PLSCR4: variants seen among roughly 807,000 people sequenced by gnomAD.
The protein encoded by PLSCR4 is Ca(2+)-dependent phospholipid scramblase 4.
PLSCR4 carries 25 observed loss-of-function variants against 36.3 expected under a neutral mutation model. That is an observed-to-expected ratio of 0.69 (90% CI 0.50 to 0.96). PLSCR4 has a LOEUF of 0.96. Ranked by LOEUF, PLSCR4 falls within the 40% of genes least tolerant of loss-of-function variation. The probability of loss-of-function intolerance (pLI) is 0.00; values close to 1 mark genes in which losing one functional copy is unlikely to be tolerated. For missense variants in PLSCR4, 408 were observed against 414.7 expected (o/e 0.98, Z 0.14); for synonymous variants, 122 against 132.9 (o/e 0.92, Z 0.56).
At chr3:146,239,788 C>G (rs1407181678) in intron 1 of PLSCR4, among the ~76,000 whole-genome samples, 1 of 151,948 alleles carries the variant, frequency 6.6e-6, no homozygotes, top group Non-Finnish European at 1.5e-5. Context: ...GAGGCTGAGG[C>G]AGGAGAATCA....
intron 3 of PLSCR4, among the ~76,000 whole-genome samples, chr3:146,219,556 G>A (rs1189873487): frequency 1.3e-5 from 2 of 152,116 alleles, no homozygotes; most frequent in African/African-American, 4.8e-5. Context: ...AGGAAATCCT[G>A]ATGCTTTCAG....
At chr3:146,224,730 T>G (rs1250070179) in intron 1 of PLSCR4, among the ~76,000 whole-genome samples, 7 of 152,090 alleles carry the variant, frequency 4.6e-5, no homozygotes, top group African/African-American at 1.7e-4. Context: ...TATTCTCTTA[T>G]CTGGCCCCAC....
intron 8 of PLSCR4, 103 bp downstream of exon 8, chr3:146,195,021 A>G (rs1411982887): frequency 8.5e-6 from 8 of 937,900 alleles, no homozygotes; most frequent in Middle Eastern, 2.9e-4. Context: ...TGGCACAGAG[A>G]TAAGTTGGAT....
At chr3:146,240,366 T>C (rs1214505991) in intron 1 of PLSCR4, among the ~76,000 whole-genome samples, 1 of 152,118 alleles carries the variant, frequency 6.6e-6, no homozygotes, top group African/African-American at 2.4e-5. Flanking sequence ...TCTCAACACT[T>C]TGGGAGGCCA....
intron 3 of PLSCR4, among the ~76,000 whole-genome samples, chr3:146,209,546 T>C (rs1241498431): frequency 1.3e-5 from 2 of 152,148 alleles, no homozygotes; most frequent in African/African-American, 4.8e-5. Flanking sequence ...TCACTATGTT[T>C]TTTTAAAGTC....
chr3:146,247,020 A>T (rs2036366578), intron 1 of PLSCR4, among the ~76,000 whole-genome samples: 1 of 152,154 alleles, frequency 6.6e-6, no homozygotes, highest in Admixed American at 6.5e-5. Context: ...ATAAAATGGC[A>T]ATCATCTATA....
At chr3:146,213,865 G>C (rs1049188730) in intron 3 of PLSCR4, among the ~76,000 whole-genome samples, 5 of 151,810 alleles carry the variant, frequency 3.3e-5, no homozygotes, top group Non-Finnish European at 5.9e-5. Flanking sequence ...ATTTCTCTAT[G>C]GTAAAAGCCT....
rs147002895 is a variant in PLSCR4 at position 146,195,279 on chromosome 3, T to G, written c.790A>C (p.Lys264Gln). ...GCGSDSVFEVKSLDGISNIGS... is the reference protein window; with the variant it reads ...GCGSDSVFEVQSLDGISNIGS... Reference sequence around the variant, plus strand: ...ATGTTGGATATGCCATCAAGGGATTTGACCTGGAATGACAAGAATGTGCCT... The same window carrying G: ...ATGTTGGATATGCCATCAAGGGATTGGACCTGGAATGACAAGAATGTGCCT... The change falls in exon 8 of 9, where the codon AAA becomes CAA. Residue 264 changes from lysine to glutamine, a missense_variant. Transcript: ENST00000354952. 8.1e-6 allele frequency: 13 copies of G among 1,611,992 alleles called. No individual in the cohort carries two copies. The highest frequency in any genetic ancestry group is 4.0e-5 in the African/African-American group (3 of 74,922).
intron 1 of PLSCR4, among the ~76,000 whole-genome samples, chr3:146,246,904 C>A (rs1419799505): frequency 6.6e-6 from 1 of 152,124 alleles, no homozygotes; most frequent in Admixed American, 6.5e-5. Context: ...AAAAATCCCA[C>A]CTACTCCAAT....
chr3:146,217,816 CT>C (rs1234399443), intron 3 of PLSCR4, among the ~76,000 whole-genome samples: 1 of 152,040 alleles, frequency 6.6e-6, no homozygotes, highest in African/African-American at 2.4e-5. Flanking sequence ...GAGAAGCAGT[CT>C]ATAGGTGGTT....
chr3:146,199,621 T>C (rs1051016944), intron 6 of PLSCR4, among the ~76,000 whole-genome samples, 192 bp downstream of exon 6: 1 of 152,130 alleles, frequency 6.6e-6, no homozygotes, highest in Non-Finnish European at 1.5e-5. Flanking sequence ...CACTAAAAAG[T>C]AGTAACCAAA....
At chr3:146,206,461 T>TC in intron 4 of PLSCR4, 65 bp downstream of exon 4, 1 of 1,217,276 alleles carries the variant, frequency 8.2e-7, no homozygotes. Flanking sequence ...CTGCTTTTTT[T>TC]CTCTCTTTGT....
intron 1 of PLSCR4, among the ~76,000 whole-genome samples, chr3:146,248,030 T>C (rs2036409368): frequency 6.6e-6 from 1 of 152,166 alleles, no homozygotes; most frequent in South Asian, 2.1e-4. Context: ...TAAAAATGAA[T>C]TTTAGCACAA....
chr3:146,242,911 C>T (rs2036207126), intron 1 of PLSCR4, among the ~76,000 whole-genome samples: 2 of 152,188 alleles, frequency 1.3e-5, no homozygotes, highest in Non-Finnish European at 2.9e-5. Context: ...CTGGAAAATA[C>T]ATTGTCCACT....
Position 146,220,906 on chromosome 3 carries a change from AGGGGCTGT to A in PLSCR4, c.19_26del (p.Thr7Ter). 1 of 1,612,974 alleles carries A rather than the reference AGGGGCTGT, an allele frequency of 6.2e-7. No individual in the cohort carries two copies. The highest frequency in any genetic ancestry group is 8.5e-7 in the Non-Finnish European group (1 of 1,179,166). ...TTTCCATTTCACCTGCAGGCTGTTC[AGGGGCTGT>A]GGGTACCACACCTTCAGGGGAAGAC... is the stretch of plus-strand genomic sequence containing the variant. On this transcript the variant is annotated frameshift_variant, in exon 3 of 9. Coordinates refer to ENST00000354952, the MANE Select transcript of PLSCR4 (RefSeq NM_020353.3). LOFTEE classifies it high-confidence loss of function.
intron 1 of PLSCR4, 112 bp from the exon 2 acceptor site, chr3:146,222,204 C>T: frequency 2.5e-6 from 1 of 404,886 alleles, no homozygotes; most frequent in Admixed American, 4.8e-5. Flanking sequence ...AGTTACCTTA[C>T]ATTTGTCCCT....
chr3:146,242,305 A>C (rs1055179808), intron 1 of PLSCR4, among the ~76,000 whole-genome samples: 3 of 152,156 alleles, frequency 2.0e-5, no homozygotes, highest in South Asian at 4.1e-4. Context: ...TTTTCTTTTA[A>C]GAGTTTCACA....
At chr3:146,225,266 C>A (rs1191975878) in intron 1 of PLSCR4, among the ~76,000 whole-genome samples, 6 of 152,228 alleles carry the variant, frequency 3.9e-5, no homozygotes, top group Non-Finnish European at 7.3e-5. Context: ...CACTCACAAA[C>A]CTTCAGCTAA....
At chr3:146,205,541 A>G (rs1389657364) in intron 4 of PLSCR4, among the ~76,000 whole-genome samples, 1 of 152,014 alleles carries the variant, frequency 6.6e-6, no homozygotes, top group Non-Finnish European at 1.5e-5. Flanking sequence ...AAGTTACTTC[A>G]ATGCAAGCAC....
Sources: gnomAD v4.1 joint callset for allele counts (sites outside exome capture counted in the v4.1 genomes callset) on GRCh38, gnomAD v4.1.1 for gene constraint, MANE v1.5 for transcripts, NCBI Gene and HGNC (gene_info 2026-07-23, HGNC 2026-07-21) for gene names.